Variants in LRRC4C observed in about 807,000 individuals in gnomAD.
LRRC4C encodes the protein leucine-rich repeat-containing protein 4C.
LRRC4C carries 5 observed loss-of-function variants against 33.6 expected under a neutral mutation model. The observed-to-expected ratio is 0.15, with a 90% CI of 0.08 to 0.31. The LOEUF is 0.31. LRRC4C is among the 10% of genes least tolerant of loss of function. The pLI is 1.00. For missense variants in LRRC4C, 560 were observed against 796.7 expected, an observed-to-expected ratio of 0.70 and a Z score of 3.58; for synonymous variants, 329 against 302.0, an observed-to-expected ratio of 1.09 and a Z score of -0.93.
At chr11:40,157,852 A>G (rs2135312043) in intron 5 of LRRC4C, among the ~76,000 whole-genome samples, 1 of 152,270 alleles carries the variant, frequency 6.6e-6, no homozygotes, top group Non-Finnish European at 1.5e-5. Context: ...CAGTGTGGAG[A>G]TTCCTTAAAA....
intron 1 of LRRC4C, among the ~76,000 whole-genome samples, chr11:41,188,584 A>C (rs1945800149): frequency 6.6e-6 from 1 of 152,068 alleles, no homozygotes; most frequent in Non-Finnish European, 1.5e-5. Context: ...TGGACTGTGA[A>C]GATCAGGTGA....
chr11:40,305,632 G>A (rs1263459831), intron 4 of LRRC4C, among the ~76,000 whole-genome samples: 3 of 151,124 alleles, frequency 2.0e-5, no homozygotes, highest in East Asian at 1.9e-4. Flanking sequence ...AAGGAAGAAT[G>A]TATGTTCTTA....
intron 2 of LRRC4C, among the ~76,000 whole-genome samples, chr11:40,930,305 T>C (rs1405948416): frequency 6.6e-6 from 1 of 152,190 alleles, no homozygotes; most frequent in Non-Finnish European, 1.5e-5. Flanking sequence ...TTTTTCTTTC[T>C]TATTATCCGC....
chr11:40,210,754 A>T (rs1269169659), intron 5 of LRRC4C, among the ~76,000 whole-genome samples: 2 of 152,058 alleles, frequency 1.3e-5, no homozygotes, highest in Non-Finnish European at 2.9e-5. Flanking sequence ...GTCTACCTTA[A>T]CCATTTTGTA....
intron 3 of LRRC4C, among the ~76,000 whole-genome samples, chr11:40,552,860 T>C (rs1957179790): frequency 6.6e-6 from 1 of 152,214 alleles, no homozygotes; most frequent in African/African-American, 2.4e-5. Flanking sequence ...TAAGTCCTGA[T>C]GTGCCAGCCA....
At chr11:40,516,507 T>G (rs17407017) in intron 3 of LRRC4C, among the ~76,000 whole-genome samples, 13,612 of 152,110 alleles carry the variant, frequency 0.089, 772 homozygotes, top group Middle Eastern at 0.15. Context: ...TGCATTTGAT[T>G]GGTTTATGTC....
chr11:41,021,214 A>AGTGTGTGTGTGTGT (rs540703685), intron 1 of LRRC4C, among the ~76,000 whole-genome samples: 1 of 133,996 alleles, frequency 7.5e-6, no homozygotes, highest in African/African-American at 2.9e-5. Context: ...AGAGAGAGAG[A>AGTGTGTGTGTGTGT]GTGTGTGTGT....
intron 2 of LRRC4C, among the ~76,000 whole-genome samples, chr11:40,783,646 T>G (rs1191346378): frequency 1.3e-5 from 2 of 152,136 alleles, no homozygotes; most frequent in Non-Finnish European, 2.9e-5. Flanking sequence ...CCTTTTGAAA[T>G]TATATTCTTT....
chr11:41,068,877 T>C (rs1215703619), intron 1 of LRRC4C, among the ~76,000 whole-genome samples: 2 of 152,084 alleles, frequency 1.3e-5, no homozygotes, highest in Non-Finnish European at 1.5e-5. Flanking sequence ...CTGAAACTAT[T>C]TGAAACAACT....
chr11:41,203,180 C>T (rs1013901776), intron 1 of LRRC4C, among the ~76,000 whole-genome samples: 1 of 152,082 alleles, frequency 6.6e-6, no homozygotes, highest in African/African-American at 2.4e-5. Flanking sequence ...TGTCATTCAC[C>T]CTGTTTTCTT....
intron 2 of LRRC4C, among the ~76,000 whole-genome samples, chr11:40,819,150 T>C (rs1201567198): frequency 6.6e-6 from 1 of 152,116 alleles, no homozygotes; most frequent in Non-Finnish European, 1.5e-5. Context: ...GAAACCATTC[T>C]CAATAAAATG....
rs183497996 is a variant in LRRC4C, at chr11:40,961,639, G to A, written c.-495-27916C>T. Among the ~76,000 whole-genome samples the A allele has an allele frequency of 8.1e-3, 1,233 of 151,720 alleles. 7 individuals are homozygous for A. Among genetic ancestry groups the A allele is most frequent in the Non-Finnish European group, 0.013 (898 of 67,762 alleles). ...ATAAGTGTGTCTATACAAGGTCTAC[G>A]ACAAGAGGAAAGACTTTCAGCACGA... On this transcript the variant is annotated intron_variant, in intron 1 of 6. Coordinates refer to ENST00000528697, the MANE Select transcript of LRRC4C (RefSeq NM_001258419.2).
At chr11:41,080,601 C>A (rs1939502887) in intron 1 of LRRC4C, among the ~76,000 whole-genome samples, 1 of 152,154 alleles carries the variant, frequency 6.6e-6, no homozygotes, top group Non-Finnish European at 1.5e-5. Context: ...GGTTTGCCAG[C>A]CTCAGCCTCC....
intron 1 of LRRC4C, among the ~76,000 whole-genome samples, chr11:41,337,914 C>T (rs1248265402): frequency 6.6e-6 from 1 of 152,048 alleles, no homozygotes; most frequent in Non-Finnish European, 1.5e-5. Flanking sequence ...GACATTTATG[C>T]AGCCAACAAA....
intron 1 of LRRC4C, among the ~76,000 whole-genome samples, chr11:41,107,551 C>T (rs1941579282): frequency 1.3e-5 from 2 of 151,744 alleles, no homozygotes; most frequent in Admixed American, 1.3e-4. Flanking sequence ...AAGAGAATAA[C>T]AAAATATATC....
At chr11:41,099,046 G>A (rs1940993613) in intron 1 of LRRC4C, among the ~76,000 whole-genome samples, 2 of 152,062 alleles carry the variant, frequency 1.3e-5, no homozygotes, top group African/African-American at 2.4e-5. Flanking sequence ...ATCAGAGACT[G>A]TGATGAATAC....
At chr11:41,009,069 G>T (rs1297040755) in intron 1 of LRRC4C, among the ~76,000 whole-genome samples, 1 of 151,894 alleles carries the variant, frequency 6.6e-6, no homozygotes, top group African/African-American at 2.4e-5. Flanking sequence ...AAGAAAAATG[G>T]TATAGCCAAA....
chr11:40,159,129 G>GT (rs1554960800), intron 5 of LRRC4C, among the ~76,000 whole-genome samples: 5 of 151,784 alleles, frequency 3.3e-5, no homozygotes, highest in Non-Finnish European at 4.4e-5. Flanking sequence ...TTTGGTCGTT[G>GT]TTTTTTTTGT....
At chr11:41,307,837 C>A (rs183028283) in intron 1 of LRRC4C, among the ~76,000 whole-genome samples, 33 of 152,238 alleles carry the variant, frequency 2.2e-4, no homozygotes, top group African/African-American at 6.7e-4. Context: ...GTCATTATAC[C>A]ATTTTCATGG....
Sources: gnomAD v4.1 joint callset for allele counts (sites outside exome capture counted in the v4.1 genomes callset) on GRCh38, gnomAD v4.1.1 for gene constraint, MANE v1.5 for transcripts, NCBI Gene and HGNC (gene_info 2026-07-23, HGNC 2026-07-21) for gene names.